Variants in ROBO1 observed in about 807,000 individuals in gnomAD.
The protein encoded by ROBO1 is roundabout homolog 1.
Under a neutral mutation model 195.9 loss-of-function variants are expected in ROBO1, and 149 were observed. The ratio of observed to expected loss-of-function variants is 0.76; its 90% CI spans 0.67 to 0.87. The LOEUF is 0.87. Among genes scored for constraint, ROBO1 ranks in the 40% least tolerant of loss-of-function variants. The pLI is 0.00. For missense variants in ROBO1, 1,933 were observed against 2,068.3 expected (o/e 0.93, Z 1.27); for synonymous variants, 816 against 733.2 (o/e 1.11, Z -1.82).
intron 2 of ROBO1, among the ~76,000 whole-genome samples, chr3:79,134,195 AAAAC>A (rs1200905101): frequency 7.1e-6 from 1 of 140,826 alleles, no homozygotes; most frequent in Non-Finnish European, 1.5e-5. Context: ...TTACAAGAAA[AAAAC>A]AAACAACCCC....
chr3:78,808,357 A>T (rs2084617161), intron 4 of ROBO1, among the ~76,000 whole-genome samples: 1 of 152,094 alleles, frequency 6.6e-6, no homozygotes, highest in Admixed American at 6.5e-5. Flanking sequence ...GGTGCAAGCC[A>T]CCACGCCCAG....
chr3:78,884,862 CTT>C (rs1491541546), intron 4 of ROBO1, among the ~76,000 whole-genome samples: 2 of 87,492 alleles, frequency 2.3e-5, no homozygotes, highest in Non-Finnish European at 4.9e-5. Flanking sequence ...CTCTCTCTCT[CTT>C]TCTGTGTGTG....
At chr3:79,488,056 T>C (rs1304509417) in intron 2 of ROBO1, among the ~76,000 whole-genome samples, 3 of 152,148 alleles carry the variant, frequency 2.0e-5, no homozygotes, top group Admixed American at 6.5e-5. Flanking sequence ...AAGATATATA[T>C]TCAGACTCTG....
intron 2 of ROBO1, among the ~76,000 whole-genome samples, chr3:79,197,892 T>C (rs1174718985): frequency 1.3e-5 from 2 of 151,942 alleles, no homozygotes; most frequent in East Asian, 1.9e-4. Flanking sequence ...GGTTTTTTTT[T>C]TTTCTTGTAA....
At chr3:79,014,159 A>G (rs1457455714) in intron 3 of ROBO1, among the ~76,000 whole-genome samples, 2 of 152,186 alleles carry the variant, frequency 1.3e-5, no homozygotes, top group African/African-American at 2.4e-5. Flanking sequence ...ATATACACTG[A>G]CATCATATTT....
At chr3:78,772,755 T>C (rs1409937457) in intron 4 of ROBO1, among the ~76,000 whole-genome samples, 1 of 152,078 alleles carries the variant, frequency 6.6e-6, no homozygotes, top group Non-Finnish European at 1.5e-5. Context: ...ACATTTAGTA[T>C]GGAGAAGGTT....
intron 4 of ROBO1, among the ~76,000 whole-genome samples, chr3:78,916,604 T>A (rs1338964097): frequency 6.6e-6 from 1 of 152,160 alleles, no homozygotes; most frequent in East Asian, 1.9e-4. Context: ...GCAATACTGT[T>A]TTTTTATTTA....
chr3:79,511,880 T>C (rs1467834735), intron 2 of ROBO1, among the ~76,000 whole-genome samples: 3 of 151,958 alleles, frequency 2.0e-5, no homozygotes, highest in African/African-American at 4.8e-5. Flanking sequence ...TGAGAACACA[T>C]GGACACACAG....
At chr3:78,617,369 A>C (rs962206552) in intron 27 of ROBO1, among the ~76,000 whole-genome samples, 1 of 152,196 alleles carries the variant, frequency 6.6e-6, no homozygotes, top group Non-Finnish European at 1.5e-5. Flanking sequence ...ATCCTAAAAA[A>C]TGAGGTAGCT....
chr3:79,567,731 A>G (rs1943137054), intron 2 of ROBO1, among the ~76,000 whole-genome samples: 1 of 151,888 alleles, frequency 6.6e-6, no homozygotes, highest in African/African-American at 2.4e-5. Context: ...TATTGTTTCT[A>G]CTCTAAAATA....
chr3:79,685,805 G>T (rs1372881690), intron 1 of ROBO1, among the ~76,000 whole-genome samples: 2 of 152,058 alleles, frequency 1.3e-5, no homozygotes, highest in Non-Finnish European at 2.9e-5. Context: ...AGGAGGAGCT[G>T]GTACCATTAC....
intron 2 of ROBO1, among the ~76,000 whole-genome samples, chr3:79,413,847 T>C (rs760104526): frequency 3.9e-5 from 6 of 152,100 alleles, no homozygotes; most frequent in Non-Finnish European, 8.8e-5. Flanking sequence ...AAAATCCATA[T>C]ACTGTTTTTA....
chr3:78,677,111 A>G (rs1405698745), intron 10 of ROBO1, among the ~76,000 whole-genome samples: 4 of 152,204 alleles, frequency 2.6e-5, no homozygotes, highest in African/African-American at 9.7e-5. Flanking sequence ...AATACTTTAG[A>G]CAAGCAAATG....
At chr3:79,528,239 T>G (rs1426329472) in intron 2 of ROBO1, among the ~76,000 whole-genome samples, 4 of 152,192 alleles carry the variant, frequency 2.6e-5, no homozygotes, top group African/African-American at 9.7e-5. Flanking sequence ...TTATTACTGT[T>G]TAGAAAGCAG....
intron 2 of ROBO1, among the ~76,000 whole-genome samples, chr3:79,578,025 A>G (rs936883748): frequency 2.6e-5 from 4 of 151,724 alleles, no homozygotes; most frequent in African/African-American, 9.7e-5. Flanking sequence ...ACCTCACCAA[A>G]GAACAAATAC....
intron 26 of ROBO1, among the ~76,000 whole-genome samples, chr3:78,620,268 C>T (rs2107422084): frequency 6.6e-6 from 1 of 152,136 alleles, no homozygotes; most frequent in Non-Finnish European, 1.5e-5. Context: ...CACCTGTAAT[C>T]CCAGCACTCT....
At chr3:79,597,956 C>T (rs775883219) in intron 1 of ROBO1, among the ~76,000 whole-genome samples, 15 of 151,954 alleles carry the variant, frequency 9.9e-5, no homozygotes, top group Admixed American at 3.3e-4. Flanking sequence ...TTATGAATCA[C>T]GGCCGTTTTG....
At chr3:78,952,469 C>A (rs918872148) in intron 3 of ROBO1, among the ~76,000 whole-genome samples, 8 of 151,782 alleles carry the variant, frequency 5.3e-5, no homozygotes, top group African/African-American at 1.2e-4. Context: ...TTTAAAGGAG[C>A]AGAACTGCCT....
chr3:79,243,692 G>T lies in ROBO1; in HGVS notation c.89-118153C>A, dbSNP rs1438715378. 2.6e-5 allele frequency among the ~76,000 whole-genome samples: 4 copies of T among 152,060 alleles called. 1 individual carries two copies. The highest frequency in any genetic ancestry group is 9.6e-5 in the African/African-American group (4 of 41,476). ...TTTTTGATGGGGTTGTTTTTTTCTT[G>T]TAAATTTGTTTGAGTTCATCGTAGA... On this transcript the variant is annotated intron_variant, in intron 2 of 30. Transcript: ENST00000464233.
Sources: allele counts gnomAD v4.1 joint callset (sites outside exome capture counted in the v4.1 genomes callset), GRCh38; gene constraint gnomAD v4.1.1; transcripts MANE v1.5; gene names NCBI Gene and HGNC (gene_info 2026-07-23, HGNC 2026-07-21).